Variants in EVC2 observed in about 807,000 individuals in gnomAD.
The protein encoded by EVC2 is limbin.
Under a neutral mutation model 149.3 loss-of-function variants are expected in EVC2, and 148 were observed. The observed-to-expected ratio is 0.99, with a 90% CI of 0.87 to 1.14. The LOEUF is 1.14. EVC2 is among the 50% of genes most tolerant of loss of function. The probability of loss-of-function intolerance (pLI) is 0.00; values close to 1 mark genes in which losing one functional copy is unlikely to be tolerated. For synonymous variants in EVC2, 776 were observed against 649.9 expected, an observed-to-expected ratio of 1.19 and a Z score of -2.95; for missense variants, 1,854 against 1,627.3, an observed-to-expected ratio of 1.14 and a Z score of -2.40.
At chr4:5,607,738 G>A (rs546742646) in intron 16 of EVC2, among the ~76,000 whole-genome samples, 1 of 152,206 alleles carries the variant, frequency 6.6e-6, no homozygotes, top group East Asian at 1.9e-4. Context: ...TTTTCTATCT[G>A]AAAGCAGAAT....
At chr4:5,546,548 C>T (rs13106847) in intron 21 of EVC2, among the ~76,000 whole-genome samples, 74,594 of 151,142 alleles carry the variant, frequency 0.49, 21,141 homozygotes, top group Non-Finnish European at 0.65. Context: ...GGGAACATCA[C>T]ACACCAGGGA....
chr4:5,545,531 C>G (rs187483262), intron 21 of EVC2, among the ~76,000 whole-genome samples: 220 of 152,306 alleles, frequency 1.4e-3, no homozygotes, highest in Middle Eastern at 0.01. Context: ...AAGCAGGAAT[C>G]TATGCAGAAG....
chr4:5,648,974 C>T (rs1717918776), intron 9 of EVC2, among the ~76,000 whole-genome samples: 1 of 152,216 alleles, frequency 6.6e-6, no homozygotes. Context: ...ATCAGGTCCA[C>T]TGGTGAAGAC....
intron 3 of EVC2, among the ~76,000 whole-genome samples, chr4:5,693,405 A>C (rs867617521): frequency 6.6e-6 from 1 of 152,248 alleles, no homozygotes; most frequent in Non-Finnish European, 1.5e-5. Flanking sequence ...AAGTGTCCTT[A>C]TAAGTGGCAC....
chr4:5,681,424 A>C (rs2151724279), intron 6 of EVC2, 111 bp from the exon 7 acceptor site: 1 of 1,080,208 alleles, frequency 9.3e-7, no homozygotes, highest in Middle Eastern at 1.9e-4. Context: ...ATCAGCCCTA[A>C]CTGCTGCACA....
chr4:5,684,977 T>C (rs940245500), intron 6 of EVC2, among the ~76,000 whole-genome samples: 25 of 152,352 alleles, frequency 1.6e-4, no homozygotes, highest in African/African-American at 5.5e-4. Flanking sequence ...TCCAGCCTCC[T>C]GGACAATACA....
At chr4:5,623,265 T>C (rs1341947834) in intron 13 of EVC2, among the ~76,000 whole-genome samples, 2 of 152,132 alleles carry the variant, frequency 1.3e-5, no homozygotes, top group African/African-American at 4.8e-5. Flanking sequence ...GACACCCAAG[T>C]AGCTGCAATT....
chr4:5,604,395 C>T (rs1045348594), intron 16 of EVC2, among the ~76,000 whole-genome samples: 4 of 152,176 alleles, frequency 2.6e-5, no homozygotes, highest in Non-Finnish European at 5.9e-5. Flanking sequence ...TCCACTCACA[C>T]GTGGATTTGC....
rs778713498 is a variant in EVC2 at position 5,665,516 on chromosome 4, C to T, written c.1004G>A (p.Arg335Gln). 2.7e-5 allele frequency: 44 copies of T among 1,613,956 alleles called. No homozygotes were observed. The East Asian group carries it at 3.1e-4, about 11-fold the overall frequency. ...CLKGNMLTRHRVWQYESKLEP... is the reference protein window; with the variant it reads ...CLKGNMLTRHQVWQYESKLEP... ...AAACCACCCTCAGGGAAGACTCACC[C>T]GATGTCTGGTGAGCATGTTTCCCTT... The change falls in exon 8 of 22, where the codon CGG becomes CAG. Residue 335 changes from arginine to glutamine, a missense_variant and splice_region_variant. Arg to Gln is a conservative substitution (Grantham distance 43). Coordinates refer to ENST00000344408, the MANE Select transcript of EVC2 (RefSeq NM_147127.5).
At chr4:5,573,097 C>T (rs1722727878) in intron 19 of EVC2, among the ~76,000 whole-genome samples, 1 of 152,216 alleles carries the variant, frequency 6.6e-6, no homozygotes, top group Admixed American at 6.5e-5. Flanking sequence ...ACCAGCTCCT[C>T]CCCTGCCCTG....
the EVC2 span, among the ~76,000 whole-genome samples, chr4:5,535,656 C>T: frequency 9.8e-4 from 118 of 120,572 alleles, 1 homozygote; most frequent in Non-Finnish European, 1.4e-3. This position sits in a 1 kb window ranked among gnomAD's most constrained non-coding sequence, Gnocchi z 4.7. Context: ...TCCTGTTCTT[C>T]CTCTTTCTTT....
rs1316369009 is a variant in EVC2 at position 5,618,689 on chromosome 4, G to A, written c.2502-7C>T. On this transcript the variant is annotated splice_region_variant and splice_polypyrimidine_tract_variant and intron_variant, in intron 14 of 21. Transcript: ENST00000344408. This position sits in a 1 kb window ranked among gnomAD's most constrained non-coding sequence, Gnocchi z 4.4. ...GACTGAGGAGCAGAGCTTCCTGGGA[G>A]GAAGAACAGAGACACACTCTTAACA... The A allele has an allele frequency of 1.3e-6, 2 of 1,582,912 alleles. No individual in the cohort carries two copies. The highest frequency in any genetic ancestry group is 2.3e-5 in the South Asian group (2 of 86,794).
chr4:5,582,950 G>GGT, intron 17 of EVC2, among the ~76,000 whole-genome samples: 1 of 152,138 alleles, frequency 6.6e-6, no homozygotes, highest in Admixed American at 6.5e-5. Flanking sequence ...AGTTTCCTGA[G>GGT]TCCTCCCCAG....
At chr4:5,553,643 T>C (rs961178101) in intron 21 of EVC2, among the ~76,000 whole-genome samples, 2 of 152,208 alleles carry the variant, frequency 1.3e-5, no homozygotes, top group Admixed American at 6.5e-5. Context: ...AATTAGATTA[T>C]AGTTATGATT....
chr4:5,562,767 A>G lies in EVC2; in HGVS notation c.*81T>C, dbSNP rs1321354313. The G allele has an allele frequency of 3.1e-6, 5 of 1,603,824 alleles. No individual in the cohort carries two copies. Among genetic ancestry groups the G allele is most frequent in the African/African-American group, 1.3e-5 (1 of 74,838 alleles). On this transcript the variant is annotated 3_prime_UTR_variant, in exon 22 of 22. Coordinates refer to ENST00000344408, the MANE Select transcript of EVC2 (RefSeq NM_147127.5). This position sits in a 1 kb window ranked among gnomAD's most constrained non-coding sequence, Gnocchi z 4.3. ...TGCAATTTATATTTGCGAGTTGTGC[A>G]TTATAAACACACAAACACCGGCGGG...
At chr4:5,574,035 C>T (rs1219255204) in intron 19 of EVC2, among the ~76,000 whole-genome samples, 1 of 152,238 alleles carries the variant, frequency 6.6e-6, no homozygotes, top group Non-Finnish European at 1.5e-5. Context: ...CAGAACATGA[C>T]CCTGATGTCA....
chr4:5,679,111 G>T lies in EVC2; in HGVS notation c.870+2149C>A, dbSNP rs1042948049. On this transcript the variant is annotated intron_variant, in intron 7 of 21. Transcript: ENST00000344408. This position sits in a 1 kb window ranked among gnomAD's most constrained non-coding sequence, Gnocchi z 5.1. ...TCGTATAGGAAATGTATCATAACTC[G>T]AGCTTGCAGGTCTGGAAGTTGCTCT... is the stretch of plus-strand genomic sequence containing the variant. Among the ~76,000 whole-genome samples, 1 of 151,940 alleles carries T rather than the reference G, an allele frequency of 6.6e-6. No homozygotes were observed.
intron 18 of EVC2, among the ~76,000 whole-genome samples, chr4:5,575,607 C>T (rs539730675): frequency 2.6e-5 from 4 of 152,340 alleles, no homozygotes; most frequent in African/African-American, 7.2e-5. Context: ...AAATTAACCA[C>T]GCTGTGTATA....
At chr4:5,634,015 GC>G (rs1716730108) in intron 10 of EVC2, among the ~76,000 whole-genome samples, 1 of 152,196 alleles carries the variant, frequency 6.6e-6, no homozygotes, top group African/African-American at 2.4e-5. Flanking sequence ...AGGTCCAAGG[GC>G]CAACACATGG....
Sources: gnomAD v4.1 joint callset for allele counts (sites outside exome capture counted in the v4.1 genomes callset) on GRCh38, gnomAD v4.1.1 for gene constraint, Gnocchi (gnomAD v3.1) non-coding constraint, MANE v1.5 for transcripts, NCBI Gene and HGNC (gene_info 2026-07-23, HGNC 2026-07-21) for gene names.